The following SLC4A8 variants were observed in gnomAD, a reference collection of about 807,000 sequenced individuals.
SLC4A8 encodes the protein electroneutral sodium bicarbonate exchanger 1.
SLC4A8 carries 40 observed loss-of-function variants against 125.0 expected under a neutral mutation model. The ratio of observed to expected loss-of-function variants is 0.32; its 90% CI spans 0.25 to 0.42. The LOEUF is 0.42. Ranked by LOEUF, SLC4A8 falls within the 10% of genes least tolerant of loss-of-function variation. The probability of loss-of-function intolerance (pLI) is 1.00; values close to 1 mark genes in which losing one functional copy is unlikely to be tolerated. For synonymous variants in SLC4A8, 456 were observed against 476.0 expected, an observed-to-expected ratio of 0.96 and a Z score of 0.55; for missense variants, 863 against 1,355.1, an observed-to-expected ratio of 0.64 and a Z score of 5.70.
intron 10 of SLC4A8, 99 bp downstream of exon 10, chr12:51,462,555 A>G (rs1185261806): frequency 1.1e-6 from 1 of 920,094 alleles, no homozygotes; most frequent in Admixed American, 3.1e-5. Context: ...ATATATCAAG[A>G]TGCAGCTCTG....
Position 51,471,204 on chromosome 12 carries a change from GA to G in SLC4A8, c.1659-80del. 2.2e-6 allele frequency: 3 copies of G among 1,344,916 alleles called. No homozygotes were observed. In the South Asian group the frequency reaches 4.0e-5, roughly 18 times the overall value. 83.3% of individuals were successfully genotyped at this position (1,344,916 alleles called of 1,614,324 possible). A position where few individuals can be genotyped will look rare whatever the true frequency, so the allele number is the denominator to read the frequency against. On this transcript the variant is annotated intron_variant, in intron 13 of 24. Coordinates refer to ENST00000453097, the MANE Select transcript of SLC4A8 (RefSeq NM_001039960.3). Reference sequence around the variant, plus strand: ...ACTGGGTTCCAGTGCTTGTTTAGATGAAATGAATTAACCACATTTCTGACTC... The same window carrying G: ...ACTGGGTTCCAGTGCTTGTTTAGATGAATGAATTAACCACATTTCTGACTC...
chr12:51,497,012 A>G lies in SLC4A8; in HGVS notation c.2969A>G (p.Lys990Arg), dbSNP rs761400006. ...GTTTTGGCCTTGGTCTTTGTCAGGA[A>G]AGTCATGGATCTCTGTTTCTCTAAG... Reference protein sequence around the residue: ...MMVLALVFVRKVMDLCFSKRE... With the variant: ...MMVLALVFVRRVMDLCFSKRE... The change falls in exon 22 of 25, where the codon AAA (lysine) becomes AGA (arginine). Residue 990 changes from lysine to arginine, a missense_variant. Lys to Arg is a conservative substitution (Grantham distance 26). Coordinates refer to ENST00000453097, the MANE Select transcript of SLC4A8 (RefSeq NM_001039960.3). 2.5e-6 allele frequency: 4 copies of G among 1,614,004 alleles called. No homozygotes were observed. The Admixed American group carries it at 6.7e-5, about 27-fold the overall frequency.
intron 1 of SLC4A8, among the ~76,000 whole-genome samples, chr12:51,413,564 C>G (rs1948631272): frequency 6.6e-6 from 1 of 152,100 alleles, no homozygotes; most frequent in Non-Finnish European, 1.5e-5. Flanking sequence ...TACATTTAAG[C>G]CTTTAATTCA....
At chr12:51,489,661 T>C in intron 18 of SLC4A8, 39 bp from the exon 19 acceptor site, 1 of 1,611,950 alleles carries the variant, frequency 6.2e-7, no homozygotes, top group Non-Finnish European at 8.5e-7. Flanking sequence ...CTACTACAGC[T>C]AGCCTACTGA....
intron 1 of SLC4A8, among the ~76,000 whole-genome samples, chr12:51,416,244 T>G (rs1447715200): frequency 1.3e-5 from 2 of 149,690 alleles, no homozygotes; most frequent in African/African-American, 5.0e-5. Flanking sequence ...AGAATTTGTG[T>G]TTTTGAAAAT....
At chr12:51,476,208 G>A (rs570773113) in intron 16 of SLC4A8, among the ~76,000 whole-genome samples, 5 of 152,312 alleles carry the variant, frequency 3.3e-5, no homozygotes, top group East Asian at 1.9e-4. Flanking sequence ...CATGCTGGGC[G>A]TGGTGGCTCA....
intron 18 of SLC4A8, among the ~76,000 whole-genome samples, chr12:51,489,175 G>A (rs958679595): frequency 6.6e-6 from 1 of 152,210 alleles, no homozygotes; most frequent in African/African-American, 2.4e-5. Flanking sequence ...TGAGGTTCAG[G>A]TGGGGGCCTG....
At chr12:51,424,285 G>T (rs929167016), upstream of SLC4A8, among the ~76,000 whole-genome samples, 2 of 151,930 alleles carry the variant, frequency 1.3e-5, no homozygotes, top group South Asian at 2.1e-4. Flanking sequence ...TTGTGGAATT[G>T]CTTCAACAGT....
At chr12:51,433,864 TTTTTTTTTTTTTTTG>T (rs1949290420) in intron 1 of SLC4A8, among the ~76,000 whole-genome samples, 1 of 70,926 alleles carries the variant, frequency 1.4e-5, no homozygotes, top group African/African-American at 5.8e-5. Context: ...TTTTTTTTTT[TTTTTTTTTTTTTTTG>T]GTTGGTTTTT....
chr12:51,399,410 CAT>C (rs749523917), intron 1 of SLC4A8, among the ~76,000 whole-genome samples: 4 of 152,186 alleles, frequency 2.6e-5, no homozygotes, highest in East Asian at 1.9e-4. Flanking sequence ...TTTCTAGAAA[CAT>C]AGTTCAGAGG....
At chr12:51,493,209 C>T (rs1033827171) in intron 19 of SLC4A8, among the ~76,000 whole-genome samples, 1 of 151,940 alleles carries the variant, frequency 6.6e-6, no homozygotes, top group Non-Finnish European at 1.5e-5. Flanking sequence ...GTCGGTGTTT[C>T]CCCCCAGACC....
At chr12:51,467,824 C>T (rs951273263) in intron 11 of SLC4A8, among the ~76,000 whole-genome samples, 1 of 152,280 alleles carries the variant, frequency 6.6e-6, no homozygotes, top group East Asian at 1.9e-4. Flanking sequence ...CACCGACATA[C>T]ATTTTACCTG....
intron 11 of SLC4A8, chr12:51,469,212 T>G (rs909600630): frequency 6.3e-6 from 1 of 158,122 alleles, no homozygotes; most frequent in Non-Finnish European, 1.4e-5. Flanking sequence ...AGAAAGTACA[T>G]GTGATAGGGG....
intron 11 of SLC4A8, among the ~76,000 whole-genome samples, chr12:51,464,447 T>C (rs1290829299): frequency 2.0e-5 from 3 of 152,286 alleles, no homozygotes; most frequent in East Asian, 3.9e-4. Context: ...TAGGCCAACA[T>C]TTTAAGGACA....
chr12:51,449,627 T>C (rs941079884), intron 2 of SLC4A8, among the ~76,000 whole-genome samples: 10 of 151,982 alleles, frequency 6.6e-5, no homozygotes, highest in African/African-American at 1.5e-4. Flanking sequence ...GCATGGTGCA[T>C]TGGGCATGGG....
Position 51,505,923 on chromosome 12 carries a change from GA to G in SLC4A8, c.3266del (p.Lys1089ArgfsTer161). The G allele has an allele frequency of 9.3e-6, 14 of 1,502,238 alleles. No individual in the cohort carries two copies. Among genetic ancestry groups the G allele is most frequent in the Non-Finnish European group, 1.3e-5 (14 of 1,082,578 alleles). 93.1% of individuals were successfully genotyped at this position (1,502,238 alleles called of 1,614,324 possible). On this transcript the variant is annotated frameshift_variant, in exon 24 of 25. Transcript: ENST00000453097. LOFTEE classifies it high-confidence loss of function. ...ALSMNSGNAK[E>X]KSLFN ...CAGTATGAATTCTGGAAATGCAAAGGAAAAGAGGTAAAGAGAACTGTAACAT... is the reference window on the plus strand; with the variant it reads ...CAGTATGAATTCTGGAAATGCAAAGGAAAGAGGTAAAGAGAACTGTAACAT...
chr12:51,411,379 G>A (rs889685485), intron 1 of SLC4A8, among the ~76,000 whole-genome samples: 9 of 152,114 alleles, frequency 5.9e-5, no homozygotes, highest in South Asian at 2.1e-4. Flanking sequence ...TTTGAGCCCC[G>A]GAATTCAAGA....
At chr12:51,423,046 C>T (rs1948826448), upstream of SLC4A8, among the ~76,000 whole-genome samples, 1 of 152,104 alleles carries the variant, frequency 6.6e-6, no homozygotes, top group Admixed American at 6.5e-5. Flanking sequence ...AGTAGGTGTT[C>T]AATACATTTT....
At chr12:51,494,258 C>A (rs1399937082) in intron 20 of SLC4A8, 1 of 155,526 alleles carries the variant, frequency 6.4e-6, no homozygotes, top group Admixed American at 6.2e-5. Flanking sequence ...TCTTGTTATA[C>A]TCTGCATTTT....
Sources: gnomAD v4.1 joint callset for allele counts (sites outside exome capture counted in the v4.1 genomes callset) on GRCh38, gnomAD v4.1.1 for gene constraint, MANE v1.5 for transcripts, NCBI Gene and HGNC (gene_info 2026-07-23, HGNC 2026-07-21) for gene names.